Variants in LRRC37A2 observed in about 807,000 individuals in gnomAD.
LRRC37A2 encodes the protein leucine rich repeat containing 37 member A2.
A neutral mutation model predicts 68.8 loss-of-function variants in LRRC37A2; 9 were observed. That is an observed-to-expected ratio of 0.13 (90% CI 0.08 to 0.23). LRRC37A2 has a LOEUF of 0.23. LRRC37A2 is among the 10% of genes least tolerant of loss of function. The probability of loss-of-function intolerance (pLI) is 1.00; values close to 1 mark genes in which losing one functional copy is unlikely to be tolerated. For synonymous variants in LRRC37A2, 63 were observed against 367.6 expected (o/e 0.17, Z 9.48); for missense variants, 168 against 950.4 (o/e 0.18, Z 10.82).
the LRRC37A2 span, among the ~76,000 whole-genome samples, chr17:46,771,162 G>A: frequency 1.3e-5 from 2 of 152,214 alleles, no homozygotes; most frequent in African/African-American, 4.8e-5. Context: ...GCCACCTACA[G>A]AGGGGCCCGT....
chr17:47,024,415 C>G, the LRRC37A2 span, among the ~76,000 whole-genome samples: 1,037 of 152,020 alleles, frequency 6.8e-3, 12 homozygotes, highest in African/African-American at 0.023. Flanking sequence ...ATTTTGTGAT[C>G]TAGACAGGAG....
the LRRC37A2 span, chr17:46,934,926 C>T: frequency 2.0e-6 from 2 of 1,007,070 alleles, no homozygotes; most frequent in Non-Finnish European, 3.2e-6. Context: ...TTCACCAGCC[C>T]CTCCGGCTGT....
At chr17:46,915,371 G>A in the LRRC37A2 span, among the ~76,000 whole-genome samples, 56,898 of 151,986 alleles carry the variant, frequency 0.37, 10,717 homozygotes, top group South Asian at 0.48. Flanking sequence ...AGTAAGTGCT[G>A]CAAGAAGCTG....
At chr17:47,017,931 C>G in the LRRC37A2 span, 1 of 1,611,316 alleles carries the variant, frequency 6.2e-7, no homozygotes, top group East Asian at 2.2e-5. Context: ...AGCACAGCTT[C>G]CACAGCTCCT....
chr17:47,008,949 C>G, the LRRC37A2 span, among the ~76,000 whole-genome samples: 1 of 151,968 alleles, frequency 6.6e-6, no homozygotes, highest in African/African-American at 2.4e-5. Context: ...ATTGATTTTG[C>G]TGAAAGGAAG....
At chr17:46,982,750 C>A in the LRRC37A2 span, among the ~76,000 whole-genome samples, 1 of 152,124 alleles carries the variant, frequency 6.6e-6, no homozygotes, top group Admixed American at 6.6e-5. Context: ...GGGAGAGAGA[C>A]CTTGGGCTTG....
chr17:46,995,234 T>A, the LRRC37A2 span, among the ~76,000 whole-genome samples: 4 of 152,126 alleles, frequency 2.6e-5, no homozygotes, highest in African/African-American at 9.7e-5. Context: ...CATATGACCC[T>A]ATGCTGTCTA....
the LRRC37A2 span, among the ~76,000 whole-genome samples, chr17:46,961,716 A>C: frequency 6.6e-6 from 1 of 152,244 alleles, no homozygotes; most frequent in African/African-American, 2.4e-5. Context: ...ACGACATAGA[A>C]AATTTGCAAG....
At chr17:46,903,702 A>C in the LRRC37A2 span, among the ~76,000 whole-genome samples, 1 of 148,058 alleles carries the variant, frequency 6.8e-6, no homozygotes, top group Non-Finnish European at 1.5e-5. Context: ...TGGGTGGCTT[A>C]ATGGATGTAT....
the LRRC37A2 span, among the ~76,000 whole-genome samples, chr17:46,869,770 G>T: frequency 1.3e-5 from 2 of 152,056 alleles, no homozygotes; most frequent in Non-Finnish European, 2.9e-5. Context: ...AGGCTGAGGC[G>T]GGCAGGTCAC....
the LRRC37A2 span, among the ~76,000 whole-genome samples, chr17:46,918,780 C>T: frequency 6.6e-6 from 1 of 152,148 alleles, no homozygotes; most frequent in Non-Finnish European, 1.5e-5. Flanking sequence ...CACAAGCTAC[C>T]TTTCTGGCCT....
chr17:46,902,318 C>T, the LRRC37A2 span, among the ~76,000 whole-genome samples: 1 of 152,162 alleles, frequency 6.6e-6, no homozygotes, highest in Non-Finnish European at 1.5e-5. Context: ...AATGGAGGCT[C>T]ATAGATCCCT....
the LRRC37A2 span, among the ~76,000 whole-genome samples, chr17:46,993,639 T>C: frequency 6.6e-6 from 1 of 152,238 alleles, no homozygotes; most frequent in African/African-American, 2.4e-5. Flanking sequence ...TTTTTCTGTG[T>C]TCCCTAGAAG....
chr17:46,901,028 GC>G, the LRRC37A2 span, among the ~76,000 whole-genome samples: 1 of 152,182 alleles, frequency 6.6e-6, no homozygotes, highest in African/African-American at 2.4e-5. Context: ...GGGAAGGACT[GC>G]CCTACATAGG....
At chr17:46,738,073 A>G in the LRRC37A2 span, among the ~76,000 whole-genome samples, 2 of 151,864 alleles carry the variant, frequency 1.3e-5, no homozygotes, top group Admixed American at 6.6e-5. Context: ...AGCTGGGACA[A>G]CAGGTGCACA....
the LRRC37A2 span, among the ~76,000 whole-genome samples, chr17:46,745,363 G>T: frequency 1.3e-5 from 2 of 152,208 alleles, no homozygotes; most frequent in Non-Finnish European, 2.9e-5. Context: ...CGCTTTACAA[G>T]TCAAGACCCA....
chr17:46,796,318 G>T, the LRRC37A2 span, among the ~76,000 whole-genome samples: 1 of 152,210 alleles, frequency 6.6e-6, no homozygotes, highest in South Asian at 2.1e-4. Context: ...TGCTAATAAA[G>T]ACCAGTGACA....
the LRRC37A2 span, among the ~76,000 whole-genome samples, chr17:46,794,956 G>A: frequency 6.6e-6 from 1 of 151,822 alleles, no homozygotes; most frequent in African/African-American, 2.4e-5. Context: ...TCACCATGTT[G>A]GCCAGGCTGG....
the LRRC37A2 span, among the ~76,000 whole-genome samples, chr17:46,802,898 A>G: frequency 6.6e-6 from 1 of 152,032 alleles, no homozygotes; most frequent in African/African-American, 2.4e-5. Context: ...TCTGCGAGCC[A>G]CTCTAGCAAA....
Sources: gnomAD v4.1 joint callset for allele counts (sites outside exome capture counted in the v4.1 genomes callset) on GRCh38, gnomAD v4.1.1 for gene constraint, MANE v1.5 for transcripts, NCBI Gene and HGNC (gene_info 2026-07-23, HGNC 2026-07-21) for gene names.